KITLG: variants seen among roughly 807,000 people sequenced by gnomAD.
The protein encoded by KITLG is KIT ligand, also known as c-Kit ligand.
Under a neutral mutation model 34.1 loss-of-function variants are expected in KITLG, and 13 were observed. The observed-to-expected ratio is 0.38, with a 90% CI of 0.25 to 0.61. The LOEUF (loss-of-function observed/expected upper bound fraction) is 0.61, where lower values mean the gene tolerates loss of function less well. Among genes scored for constraint, KITLG ranks in the 20% least tolerant of loss-of-function variants. The probability of loss-of-function intolerance (pLI) is 0.60; values close to 1 mark genes in which losing one functional copy is unlikely to be tolerated. For missense variants in KITLG, 292 were observed against 318.9 expected, an observed-to-expected ratio of 0.92 and a Z score of 0.64; for synonymous variants, 110 against 104.0, an observed-to-expected ratio of 1.06 and a Z score of -0.35.
At chr12:88,565,455 T>C (rs1871412795) in intron 1 of KITLG, among the ~76,000 whole-genome samples, 1 of 151,946 alleles carries the variant, frequency 6.6e-6, no homozygotes, top group Admixed American at 6.6e-5. Flanking sequence ...TGAAACCACA[T>C]CTCTACTAAA....
At chr12:88,538,512 A>C (rs1437499280) in intron 2 of KITLG, among the ~76,000 whole-genome samples, 1 of 151,992 alleles carries the variant, frequency 6.6e-6, no homozygotes, top group Admixed American at 6.6e-5. Flanking sequence ...GCAGAGAAGG[A>C]ACCTGGTAGT....
In KITLG at chr12:88,507,078, C is replaced by T; in HGVS notation, c.664G>A (p.Ala222Thr). 6.2e-7 allele frequency: 1 copy of T among 1,613,802 alleles called. No homozygotes were observed. Among genetic ancestry groups the T allele is most frequent in the Non-Finnish European group, 8.5e-7 (1 of 1,179,728 alleles). ...AAGCCAATTATAAGAGAAAACAATG[C>T]TGGCAATGCCATGGCTGCCCAGTGT... Reference protein sequence around the residue: ...SLHWAAMALPALFSLIIGFAF... With the variant: ...SLHWAAMALPTLFSLIIGFAF... The change falls in exon 7 of 10, where the codon GCA (alanine) becomes ACA (threonine). Residue 222 changes from alanine to threonine, a missense_variant. By Grantham distance (58) the Ala-to-Thr change is moderately conservative (BLOSUM62 0). This residue lies in a region of KITLG where 140 missense variants were observed against 111.0 expected (regional missense o/e 1.26). Transcript: ENST00000644744.
At chr12:88,561,723 GC>G (rs1394405276) in intron 1 of KITLG, among the ~76,000 whole-genome samples, 1 of 152,124 alleles carries the variant, frequency 6.6e-6, no homozygotes, top group Non-Finnish European at 1.5e-5. Context: ...CCATGTTTAC[GC>G]CTTAGTAACC....
chr12:88,517,043 AC>A (rs144487824), intron 4 of KITLG, among the ~76,000 whole-genome samples: 11,889 of 151,956 alleles, frequency 0.078, 506 homozygotes, highest in Non-Finnish European at 0.1. Flanking sequence ...ACCTACTGAA[AC>A]TATTGCACAT....
intron 9 of KITLG, among the ~76,000 whole-genome samples, chr12:88,499,372 T>C (rs1868766574): frequency 6.6e-6 from 1 of 152,180 alleles, no homozygotes; most frequent in Admixed American, 6.6e-5. Context: ...TTTATTCCAA[T>C]TCTAAGATTT....
rs1870104203 is a variant in KITLG, at chr12:88,531,828, C to T, written c.192+613G>A. Among the ~76,000 whole-genome samples, 2 of 151,964 alleles carry T rather than the reference C, an allele frequency of 1.3e-5. 1 individual carries two copies. Among genetic ancestry groups the T allele is most frequent in the Middle Eastern group, 6.8e-3 (2 of 294 alleles). ...TGGCCCTCTGTATCCACGGATTCAACCAACCAAAGATGGAAAATATTCAAA... is the reference window on the plus strand; with the variant it reads ...TGGCCCTCTGTATCCACGGATTCAATCAACCAAAGATGGAAAATATTCAAA... On this transcript the variant is annotated intron_variant, in intron 3 of 9. Transcript: ENST00000644744.
intron 9 of KITLG, 68 bp downstream of exon 9, chr12:88,505,091 C>CACATGT (rs937748427): frequency 1.3e-6 from 1 of 789,308 alleles, no homozygotes; most frequent in African/African-American, 1.8e-5. Flanking sequence ...GCACATTGTG[C>CACATGT]ACATGTACCC....
chr12:88,505,196 T>C lies in KITLG; in HGVS notation c.822A>G (p.Ter274=). 1 of 1,608,098 alleles carries C rather than the reference T, an allele frequency of 6.2e-7. No homozygotes were observed. Among genetic ancestry groups the C allele is most frequent in the Non-Finnish European group, 8.5e-7 (1 of 1,174,732 alleles). ...GTAACAGTGTTGATACAAGCCACAA[T>C]TACACTTCTTGAAACTCTCTCTCTT... The part of the protein sequence containing the change: ...QEKEREFQEV[*] Residue 274 remains the stop codon, a stop_retained_variant, in exon 9 of 10, where the codon TAA becomes TAG. Coordinates refer to ENST00000644744, the MANE Select transcript of KITLG (RefSeq NM_000899.5).
At chr12:88,524,234 A>G (rs1869783749) in intron 3 of KITLG, among the ~76,000 whole-genome samples, 2 of 152,240 alleles carry the variant, frequency 1.3e-5, no homozygotes, top group Admixed American at 1.3e-4. Context: ...GTGACTGCAG[A>G]GCTAAAATTT....
At chr12:88,501,617 A>G (rs1448582277) in intron 9 of KITLG, among the ~76,000 whole-genome samples, 2 of 152,118 alleles carry the variant, frequency 1.3e-5, no homozygotes, top group Admixed American at 6.6e-5. Context: ...TATAATGGGT[A>G]GTCAATAGAT....
rs1868645626 is a variant in KITLG, at chr12:88,496,482, T to C, written c.*737A>G. ...CTGATGTTCAGTGTTCTTAACTTCTTCCTGCGATGACTCTTTTGGAGTCTC... is the reference window on the plus strand; with the variant it reads ...CTGATGTTCAGTGTTCTTAACTTCTCCCTGCGATGACTCTTTTGGAGTCTC... On this transcript the variant is annotated 3_prime_UTR_variant, in exon 10 of 10. Transcript: ENST00000644744. 6.6e-6 allele frequency: 1 copy of C among 152,234 alleles called. No individual in the cohort carries two copies. Among genetic ancestry groups the C allele is most frequent in the African/African-American group, 2.4e-5 (1 of 41,464 alleles). The allele number at this position is 152,234 out of a possible 1,614,324, so 9.4% of individuals were successfully genotyped here. A position where few individuals can be genotyped will look rare whatever the true frequency, so the allele number is the denominator to read the frequency against.
chr12:88,524,708 T>C lies in KITLG; in HGVS notation c.193-5841A>G, dbSNP rs1414392773. On this transcript the variant is annotated intron_variant, in intron 3 of 9. Transcript: ENST00000644744. The stretch of plus-strand genomic sequence containing the variant: ...TGAACAGCATCTTAATATAATCACT[T>C]ATTAGGAAGACGGGCCCCTGTGCTG... Among the ~76,000 whole-genome samples, 5 of 152,186 alleles carry C rather than the reference T, an allele frequency of 3.3e-5. No homozygotes were observed. The East Asian group carries it at 9.6e-4, about 29-fold the overall frequency.
Position 88,532,441 on chromosome 12 carries a change from CA to C in KITLG, c.191del (p.Leu64CysfsTer7). On this transcript the variant is annotated frameshift_variant and splice_region_variant, in exon 3 of 10. Transcript: ENST00000644744. LOFTEE classifies it high-confidence loss of function. ...AAACTCAGAAATGTAGTTTACATAC[CA>C]AAACATCCATCCCGGGGACATATTT... ...TLKYVPGMDV[L>X]PSHCWISEMV... 1 of 1,606,160 alleles carries C rather than the reference CA, an allele frequency of 6.2e-7. No individual in the cohort carries two copies. The highest frequency in any genetic ancestry group is 1.1e-5 in the South Asian group (1 of 90,350).
chr12:88,507,837 T>A (rs1869121769), intron 6 of KITLG, among the ~76,000 whole-genome samples: 1 of 152,094 alleles, frequency 6.6e-6, no homozygotes, highest in Non-Finnish European at 1.5e-5. Context: ...ATATATGGAA[T>A]TGGTTTGGGA....
intron 1 of KITLG, among the ~76,000 whole-genome samples, chr12:88,574,644 T>C (rs559985706): frequency 2.0e-5 from 3 of 152,300 alleles, no homozygotes; most frequent in Admixed American, 6.5e-5. Flanking sequence ...CTCCCCTCAG[T>C]GCTCTTTCTA....
At chr12:88,574,492 G>T (rs544241182) in intron 1 of KITLG, among the ~76,000 whole-genome samples, 1 of 152,176 alleles carries the variant, frequency 6.6e-6, no homozygotes, top group East Asian at 1.9e-4. Flanking sequence ...CCACCTCCGT[G>T]TCTCCAGCTG....
At chr12:88,497,881 A>G (rs1208946966) in intron 9 of KITLG, among the ~76,000 whole-genome samples, 3 of 152,200 alleles carry the variant, frequency 2.0e-5, no homozygotes, top group Non-Finnish European at 2.9e-5. Context: ...CAGCAGAAAG[A>G]TTTCGTTCAA....
chr12:88,525,797 C>A (rs951995182), intron 3 of KITLG, among the ~76,000 whole-genome samples: 1 of 152,078 alleles, frequency 6.6e-6, no homozygotes, highest in African/African-American at 2.4e-5. Flanking sequence ...TGCTGACCAC[C>A]AAGCTCCAGC....
At chr12:88,519,148 C>A (rs1378055280) in intron 3 of KITLG, among the ~76,000 whole-genome samples, 1 of 152,068 alleles carries the variant, frequency 6.6e-6, no homozygotes, top group Non-Finnish European at 1.5e-5. Context: ...AAGCATGAAC[C>A]ACCGTGCCTG....
Sources: gnomAD v4.1 joint callset for allele counts (sites outside exome capture counted in the v4.1 genomes callset) on GRCh38, gnomAD v4.1.1 for gene constraint, gnomAD v4.1.1 regional missense constraint, MANE v1.5 for transcripts, NCBI Gene and HGNC (gene_info 2026-07-23, HGNC 2026-07-21) for gene names.